IRAG1: variants seen among roughly 807,000 people sequenced by gnomAD.
IRAG1 encodes IP3R-associated cGMP kinase substrate.
IRAG1 carries 62 observed loss-of-function variants against 106.2 expected under a neutral mutation model. The observed-to-expected ratio is 0.58, with a 90% CI of 0.48 to 0.72. The LOEUF (loss-of-function observed/expected upper bound fraction) is 0.72. Among genes scored for constraint, IRAG1 ranks in the 30% least tolerant of loss-of-function variants. The pLI, the probability that IRAG1 is intolerant of heterozygous loss-of-function variation, is 0.00. For synonymous variants in IRAG1, 462 were observed against 443.9 expected, an observed-to-expected ratio of 1.04 and a Z score of -0.51; for missense variants, 1,064 against 1,140.7, an observed-to-expected ratio of 0.93 and a Z score of 0.97.
chr11:10,627,023 C>G (rs899261897), intron 8 of IRAG1, among the ~76,000 whole-genome samples: 2 of 152,142 alleles, frequency 1.3e-5, no homozygotes, highest in Non-Finnish European at 2.9e-5. Flanking sequence ...TCTCAGAGTT[C>G]CATGATCCAA....
chr11:10,610,396 C>G (rs1854845210), intron 10 of IRAG1, among the ~76,000 whole-genome samples: 1 of 152,208 alleles, frequency 6.6e-6, no homozygotes, highest in African/African-American at 2.4e-5. Flanking sequence ...ACATAAATGC[C>G]TCCTAGTCAA....
intron 1 of IRAG1, among the ~76,000 whole-genome samples, chr11:10,683,945 A>T (rs1861464251): frequency 6.6e-6 from 1 of 152,168 alleles, no homozygotes; most frequent in African/African-American, 2.4e-5. Context: ...TGTTCTTTAA[A>T]AATTTCTATT....
chr11:10,656,264 C>T (rs539554933), intron 1 of IRAG1, among the ~76,000 whole-genome samples: 5 of 152,286 alleles, frequency 3.3e-5, no homozygotes, highest in East Asian at 3.9e-4. Context: ...CAGTCTGGTT[C>T]GGAAAGGGTT....
In IRAG1 at chr11:10,603,105, G is replaced by A. The variant is rs776846250; in HGVS notation, c.1875+15C>T. On this transcript the variant is annotated intron_variant, in intron 14 of 20. Coordinates refer to ENST00000423302, the MANE Select transcript of IRAG1 (RefSeq NM_130385.4). ...TGGAACAGAGTTGGCAAGACCGGGG[G>A]CTGGAGAGACTCACCTGGCGGACGG... The A allele has an allele frequency of 5.0e-6, 8 of 1,605,966 alleles. No individual in the cohort carries two copies. The highest frequency in any genetic ancestry group is 1.3e-5 in the African/African-American group (1 of 74,950).
In IRAG1 at chr11:10,581,865, A is replaced by G; in HGVS notation, c.2360+2T>C. 6.2e-7 allele frequency: 1 copy of G among 1,613,406 alleles called. No homozygotes were observed. The highest frequency in any genetic ancestry group is 8.5e-7 in the Non-Finnish European group (1 of 1,179,596). On this transcript the variant is annotated splice_donor_variant, in intron 19 of 20. Coordinates refer to ENST00000423302, the MANE Select transcript of IRAG1 (RefSeq NM_130385.4). LOFTEE classifies it high-confidence loss of function. ...CCTTGGGGTGGCTGAGGTCTGACTCACCCCTTGCTGTAGGCTTCTTCCTCC... is the reference window on the plus strand; with the variant it reads ...CCTTGGGGTGGCTGAGGTCTGACTCGCCCCTTGCTGTAGGCTTCTTCCTCC...
intron 7 of IRAG1, 37 bp downstream of exon 7, chr11:10,627,936 G>A: frequency 1.3e-6 from 2 of 1,587,436 alleles, no homozygotes; most frequent in Non-Finnish European, 1.7e-6. Flanking sequence ...AGACCCATTG[G>A]CATAGAAACA....
intron 18 of IRAG1, 56 bp downstream of exon 18, chr11:10,591,492 A>C: frequency 6.8e-7 from 1 of 1,471,964 alleles, no homozygotes; most frequent in Non-Finnish European, 9.3e-7. Context: ...GGAAAGTAAA[A>C]TGGGGAAAAT....
At chr11:10,604,151 A>G (rs1213505541) in intron 13 of IRAG1, among the ~76,000 whole-genome samples, 1 of 152,156 alleles carries the variant, frequency 6.6e-6, no homozygotes, top group African/African-American at 2.4e-5. Context: ...AGTAGGAGTC[A>G]CACCCAGGCC....
chr11:10,648,796 T>A (rs775194976), intron 2 of IRAG1, among the ~76,000 whole-genome samples: 5 of 151,762 alleles, frequency 3.3e-5, no homozygotes, highest in Non-Finnish European at 5.9e-5. Flanking sequence ...TGCCTGTGTA[T>A]CTGCGTGTGT....
rs904815108 is a variant in IRAG1, at chr11:10,604,546, C to G, written c.1603-1G>C. 6.2e-7 allele frequency: 1 copy of G among 1,614,022 alleles called. No individual in the cohort carries two copies. Among genetic ancestry groups the G allele is most frequent in the Non-Finnish European group, 8.5e-7 (1 of 1,179,882 alleles). On this transcript the variant is annotated splice_acceptor_variant, in intron 12 of 20. Coordinates refer to ENST00000423302, the MANE Select transcript of IRAG1 (RefSeq NM_130385.4). LOFTEE classifies it high-confidence loss of function. ...CCAAGGACAGTTGCACAAACACGTT[C>G]TGTTGGGAACAAGGGTGTGAGAGAG...
intron 18 of IRAG1, among the ~76,000 whole-genome samples, chr11:10,585,407 C>T (rs1346087968): frequency 6.6e-6 from 1 of 151,554 alleles, no homozygotes; most frequent in Non-Finnish European, 1.5e-5. Flanking sequence ...TTAAGGCTCA[C>T]AAATGACCCA....
At chr11:10,646,853 C>A (rs1857989973) in intron 2 of IRAG1, among the ~76,000 whole-genome samples, 1 of 152,130 alleles carries the variant, frequency 6.6e-6, no homozygotes, top group African/African-American at 2.4e-5. Flanking sequence ...GTTAATGTGC[C>A]CTTCCCCTTC....
chr11:10,656,882 C>T (rs1164981385), intron 1 of IRAG1, among the ~76,000 whole-genome samples: 2 of 152,014 alleles, frequency 1.3e-5, no homozygotes, highest in African/African-American at 4.8e-5. Context: ...GGCCCTGCCT[C>T]CCAGGGGAGG....
At chr11:10,664,057 G>A (rs1231506324) in intron 1 of IRAG1, among the ~76,000 whole-genome samples, 1 of 152,160 alleles carries the variant, frequency 6.6e-6, no homozygotes, top group African/African-American at 2.4e-5. Flanking sequence ...GGTATTAGGA[G>A]ATGTTTTTTG....
At chr11:10,593,187 G>T (rs1852873676) in intron 17 of IRAG1, 1 of 227,878 alleles carries the variant, frequency 4.4e-6, no homozygotes, top group East Asian at 1.2e-4. Flanking sequence ...TAAGCCCACT[G>T]CAGAGTAGAA....
intron 4 of IRAG1, among the ~76,000 whole-genome samples, chr11:10,631,751 C>G (rs1299890344): frequency 6.6e-6 from 1 of 152,220 alleles, no homozygotes; most frequent in Non-Finnish European, 1.5e-5. Context: ...CTCAGCTGTT[C>G]TTTCTTTCTT....
intron 14 of IRAG1, among the ~76,000 whole-genome samples, chr11:10,602,009 C>T (rs1465894865): frequency 4.6e-5 from 7 of 152,248 alleles, no homozygotes; most frequent in African/African-American, 1.7e-4. Context: ...CTCAGAGGAT[C>T]TAGCTCAGGC....
intron 1 of IRAG1, among the ~76,000 whole-genome samples, chr11:10,671,927 T>A (rs1290001690): frequency 6.6e-6 from 1 of 152,144 alleles, no homozygotes; most frequent in Admixed American, 6.5e-5. Flanking sequence ...AAAAAAATTA[T>A]CTACACATCC....
intron 1 of IRAG1, among the ~76,000 whole-genome samples, chr11:10,683,624 C>T (rs772221335): frequency 2.0e-5 from 3 of 152,118 alleles, no homozygotes; most frequent in African/African-American, 4.8e-5. Flanking sequence ...CCTTTGCTTG[C>T]AGGCTGAGTT....
Sources: allele counts gnomAD v4.1 joint callset (sites outside exome capture counted in the v4.1 genomes callset), GRCh38; gene constraint gnomAD v4.1.1; transcripts MANE v1.5; gene names NCBI Gene and HGNC (gene_info 2026-07-23, HGNC 2026-07-21).